The following TBC1D19 variants were observed in gnomAD, a reference collection of about 807,000 sequenced individuals.
TBC1D19 encodes TBC1 domain family, member 19.
A neutral mutation model predicts 89.0 loss-of-function variants in TBC1D19; 60 were observed. The observed-to-expected ratio is 0.67, with a 90% confidence interval of 0.55 to 0.84. The LOEUF is 0.84. Among genes scored for constraint, TBC1D19 ranks in the 40% least tolerant of loss-of-function variants. The probability of loss-of-function intolerance (pLI) is 0.00; values close to 1 mark genes in which losing one functional copy is unlikely to be tolerated. For synonymous variants in TBC1D19, 189 were observed against 199.7 expected (o/e 0.95, Z 0.45); for missense variants, 500 against 610.8 (o/e 0.82, Z 1.91).
the TBC1D19 span, among the ~76,000 whole-genome samples, chr4:26,790,741 C>G: frequency 6.6e-6 from 1 of 152,142 alleles, no homozygotes; most frequent in African/African-American, 2.4e-5. Flanking sequence ...TTTATTAGTA[C>G]TTTCCTATGT....
intron 7 of TBC1D19, among the ~76,000 whole-genome samples, chr4:26,642,198 A>C (rs1743592746): frequency 6.6e-6 from 1 of 152,242 alleles, no homozygotes; most frequent in South Asian, 2.1e-4. Flanking sequence ...GGTTACCCAC[A>C]AAGGGAAGCC....
intron 13 of TBC1D19, among the ~76,000 whole-genome samples, chr4:26,695,954 C>T (rs917776235): frequency 3.9e-5 from 6 of 152,014 alleles, no homozygotes; most frequent in East Asian, 1.9e-4. Context: ...CATCAACTAG[C>T]GAACAAAATA....
intron 4 of TBC1D19, among the ~76,000 whole-genome samples, chr4:26,628,587 C>T (rs1471900296): frequency 6.6e-6 from 1 of 152,092 alleles, no homozygotes; most frequent in African/African-American, 2.4e-5. Flanking sequence ...TTGCAGATGA[C>T]ATAATTGTAT....
intron 7 of TBC1D19, 133 bp downstream of exon 7, chr4:26,640,320 G>A (rs1361026229): frequency 1.5e-6 from 1 of 662,426 alleles, no homozygotes; most frequent in Non-Finnish European, 2.6e-6. Flanking sequence ...AGAATGACAT[G>A]ATCAGATCTG....
intron 7 of TBC1D19, among the ~76,000 whole-genome samples, chr4:26,658,742 G>T (rs1745039515): frequency 1.3e-5 from 2 of 152,154 alleles, no homozygotes; most frequent in East Asian, 1.9e-4. Context: ...CCATTTGTTT[G>T]TGTCCTCTCT....
intron 7 of TBC1D19, among the ~76,000 whole-genome samples, chr4:26,652,896 T>C (rs1323116895): frequency 6.6e-6 from 1 of 152,178 alleles, no homozygotes; most frequent in Non-Finnish European, 1.5e-5. Context: ...TAGTTATTTC[T>C]TGCCTTCGGC....
At chr4:26,793,051 TA>T in the TBC1D19 span, among the ~76,000 whole-genome samples, 1 of 152,176 alleles carries the variant, frequency 6.6e-6, no homozygotes, top group Non-Finnish European at 1.5e-5. Flanking sequence ...TATTCTTAAA[TA>T]AATACCAACA....
At chr4:26,643,581 C>A (rs533118777) in intron 7 of TBC1D19, among the ~76,000 whole-genome samples, 74 of 152,102 alleles carry the variant, frequency 4.9e-4, no homozygotes, top group African/African-American at 1.7e-3. Flanking sequence ...AAGATCAGAG[C>A]AGAACTGAAG....
the TBC1D19 span, among the ~76,000 whole-genome samples, chr4:26,834,723 T>C: frequency 6.6e-6 from 1 of 152,230 alleles, no homozygotes; most frequent in Non-Finnish European, 1.5e-5. Context: ...TCTCTCCTCA[T>C]CCATTGAGGG....
chr4:26,846,767 G>A, the TBC1D19 span, among the ~76,000 whole-genome samples: 1 of 152,078 alleles, frequency 6.6e-6, no homozygotes, highest in African/African-American at 2.4e-5. Flanking sequence ...TAAAAACTAA[G>A]CAATATCTAT....
the TBC1D19 span, among the ~76,000 whole-genome samples, chr4:26,842,896 G>T: frequency 7.0e-3 from 1,072 of 152,114 alleles, 16 homozygotes; most frequent in African/African-American, 0.025. Context: ...GAATGAAATC[G>T]TAGAAACATT....
the TBC1D19 span, among the ~76,000 whole-genome samples, chr4:26,849,068 G>C: frequency 2.0e-5 from 3 of 152,084 alleles, no homozygotes; most frequent in African/African-American, 7.2e-5. Flanking sequence ...GGCTACTCAG[G>C]AGGCTGAGGA....
intron 7 of TBC1D19, among the ~76,000 whole-genome samples, chr4:26,645,571 A>T (rs1015537346): frequency 6.6e-6 from 1 of 152,226 alleles, no homozygotes; most frequent in African/African-American, 2.4e-5. Context: ...AACCTAGGCA[A>T]TACCATTCAG....
intron 13 of TBC1D19, among the ~76,000 whole-genome samples, chr4:26,692,148 G>T (rs1165661382): frequency 2.6e-5 from 4 of 152,096 alleles, no homozygotes; most frequent in Non-Finnish European, 5.9e-5. Flanking sequence ...GCCATGTGTG[G>T]CCAGGAAGAT....
In TBC1D19 at chr4:26,756,042, G is replaced by A. The variant is rs1455335520; in HGVS notation, c.*1095G>A. The stretch of plus-strand genomic sequence containing the variant: ...ATCACTTCACTAAAACTGTAAATCA[G>A]TAGATTGATACGCTTATTGATTGCC... On this transcript the variant is annotated 3_prime_UTR_variant, in exon 21 of 21. Coordinates refer to ENST00000264866, the MANE Select transcript of TBC1D19 (RefSeq NM_018317.4). 6.6e-6 allele frequency among the ~76,000 whole-genome samples: 1 copy of A among 152,208 alleles called. No homozygotes were observed. The highest frequency in any genetic ancestry group is 6.5e-5 in the Admixed American group (1 of 15,278).
At chr4:26,750,992 T>C (rs945281856) in intron 19 of TBC1D19, among the ~76,000 whole-genome samples, 1 of 152,218 alleles carries the variant, frequency 6.6e-6, no homozygotes, top group Admixed American at 6.5e-5. Context: ...GTTATCTTAA[T>C]GTTCTCGATA....
intron 13 of TBC1D19, among the ~76,000 whole-genome samples, chr4:26,715,326 GT>G (rs1267173805): frequency 6.6e-6 from 1 of 151,932 alleles, no homozygotes; most frequent in Non-Finnish European, 1.5e-5. Context: ...CTTGACTGCT[GT>G]CTTTCTCCAA....
Position 26,659,859 on chromosome 4 carries a change from G to T in TBC1D19, c.591+152G>T, listed in dbSNP as rs377157874. The stretch of plus-strand genomic sequence containing the variant: ...TTCTTTTATTGCAAATATGTATATA[G>T]AGAGAGCAAGTTGTTTTGCTAATAG... On this transcript the variant is annotated intron_variant, in intron 8 of 20. Transcript: ENST00000264866. 3 of 464,578 alleles carry T rather than the reference G, an allele frequency of 6.5e-6. No homozygotes were observed. The South Asian group carries it at 1.7e-4, about 27-fold the overall frequency. The allele number at this position is 464,578 out of a possible 1,614,324, so 28.8% of individuals were successfully genotyped here. A position where few individuals can be genotyped will look rare whatever the true frequency, so the allele number is the denominator to read the frequency against.
chr4:26,840,980 C>T, the TBC1D19 span, among the ~76,000 whole-genome samples: 10 of 152,124 alleles, frequency 6.6e-5, no homozygotes, highest in Non-Finnish European at 1.3e-4. Flanking sequence ...TGCCATTATC[C>T]TCCACCCTGG....
Sources: allele counts gnomAD v4.1 joint callset (sites outside exome capture counted in the v4.1 genomes callset), GRCh38; gene constraint gnomAD v4.1.1; transcripts MANE v1.5; gene names NCBI Gene and HGNC (gene_info 2026-07-23, HGNC 2026-07-21).